MORF4L1: variants seen among roughly 807,000 people sequenced by gnomAD.
MORF4L1 encodes mortality factor 4 like 1.
MORF4L1 carries 4 observed loss-of-function variants against 52.9 expected under a neutral mutation model. The ratio of observed to expected loss-of-function variants is 0.08; its 90% CI spans 0.04 to 0.17. The LOEUF (loss-of-function observed/expected upper bound fraction) is 0.17, where lower values mean the gene tolerates loss of function less well. MORF4L1 is among the 10% of genes least tolerant of loss of function. MORF4L1 has a pLI of 1.00. For missense variants in MORF4L1, 214 were observed against 390.4 expected (o/e 0.55, Z 3.81); for synonymous variants, 123 against 134.8 (o/e 0.91, Z 0.61).
At chr15:78,895,310 G>C (rs80090061) in intron 11 of MORF4L1, among the ~76,000 whole-genome samples, 2 of 115,336 alleles carry the variant, frequency 1.7e-5, no homozygotes, top group Non-Finnish European at 3.8e-5. Context: ...AATACACACA[G>C]AGTTCTTCGG....
In MORF4L1 at chr15:78,895,972, T is replaced by A. The variant is rs1222627021; in HGVS notation, c.888-1011T>A. Among the ~76,000 whole-genome samples, 7 of 148,032 alleles carry A rather than the reference T, an allele frequency of 4.7e-5. No individual in the cohort carries two copies. The East Asian group carries it at 1.2e-3, about 25-fold the overall frequency. ...CATTTCACGTTCCCTTTTATGTAATTAAAAAAAAAAAGTTTATTCATTTAG... is the reference window on the plus strand; with the variant it reads ...CATTTCACGTTCCCTTTTATGTAATAAAAAAAAAAAAGTTTATTCATTTAG... On this transcript the variant is annotated intron_variant, in intron 11 of 11. Coordinates refer to ENST00000426013, the MANE Select transcript of MORF4L1 (RefSeq NM_006791.4).
Position 78,886,172 on chromosome 15 carries a change from C to G in MORF4L1, c.187C>G (p.Leu63Val). ...TGAATGGGTTCCGGAGAGCAGAGTA[C>G]TCAAATACGTGGACACCAATTTGCA... ...WDEWVPESRVLKYVDTNLQKQ... is the reference protein window; with the variant it reads ...WDEWVPESRVVKYVDTNLQKQ... The change falls in exon 4 of 12, where the codon CTC becomes GTC. Residue 63 changes from leucine (L) to valine (V), a missense_variant. Around this residue, in one of 5 missense-constraint regions of MORF4L1, gnomAD observed 84 missense variants for 116.3 expected, o/e 0.72. Coordinates refer to ENST00000426013, the MANE Select transcript of MORF4L1 (RefSeq NM_006791.4). The G allele has an allele frequency of 1.9e-6, 3 of 1,614,026 alleles. No homozygotes were observed. Among genetic ancestry groups the G allele is most frequent in the Non-Finnish European group, 1.7e-6 (2 of 1,179,932 alleles).
At chr15:78,892,360 T>C (rs2056815405) in intron 8 of MORF4L1, 47 bp downstream of exon 8, 1 of 1,397,986 alleles carries the variant, frequency 7.2e-7, no homozygotes, top group African/African-American at 1.4e-5. Context: ...GATACATTCT[T>C]GCTAGCAAAA....
intron 1 of MORF4L1, chr15:78,878,007 T>A (rs2141590066): frequency 2.2e-6 from 1 of 458,178 alleles, no homozygotes; most frequent in Middle Eastern, 5.5e-4. Context: ...GCTAATGAAT[T>A]GTTTTTGTTT....
chr15:78,884,032 C>T (rs953067671), intron 3 of MORF4L1, among the ~76,000 whole-genome samples: 5 of 145,856 alleles, frequency 3.4e-5, no homozygotes, highest in Admixed American at 1.4e-4. Flanking sequence ...GATGAAATCC[C>T]GTCTCTAGTA....
At chr15:78,880,461 G>A (rs1452159339) in intron 2 of MORF4L1, 51 bp from the exon 3 acceptor site, 2 of 1,343,140 alleles carry the variant, frequency 1.5e-6, no homozygotes, top group Non-Finnish European at 1.0e-6. Flanking sequence ...TGAAAAGGTA[G>A]TGTCTTTAAA....
chr15:78,879,396 A>G (rs1384220723), intron 2 of MORF4L1, among the ~76,000 whole-genome samples: 1 of 152,076 alleles, frequency 6.6e-6, no homozygotes, highest in Non-Finnish European at 1.5e-5. Flanking sequence ...TAATTTTTGT[A>G]GTTTTAGTAG....
intron 1 of MORF4L1, among the ~76,000 whole-genome samples, chr15:78,876,875 G>T (rs924765998): frequency 6.6e-6 from 1 of 152,150 alleles, no homozygotes; most frequent in African/African-American, 2.4e-5. Flanking sequence ...CGTGCTCTGG[G>T]AGAGTCTAAT....
chr15:78,873,645 A>T (rs1263802349), intron 1 of MORF4L1: 1 of 161,160 alleles, frequency 6.2e-6, no homozygotes, highest in African/African-American at 2.4e-5. Context: ...TCGGTCCCGT[A>T]TGGAGGCACA....
rs1347344962 is a variant in MORF4L1, at chr15:78,885,060, A to G, written c.156-1081A>G. On this transcript the variant is annotated intron_variant, in intron 3 of 11. Coordinates refer to ENST00000426013, the MANE Select transcript of MORF4L1 (RefSeq NM_006791.4). Reference sequence around the variant, plus strand: ...CTGTTCCTGAAGGAGCTCCCTCAGTACACCACCCCCTCCTGACCTCTAGGT... The same window carrying G: ...CTGTTCCTGAAGGAGCTCCCTCAGTGCACCACCCCCTCCTGACCTCTAGGT... 1.9e-6 allele frequency: 3 copies of G among 1,613,626 alleles called. No homozygotes were observed. In the South Asian group the frequency reaches 3.3e-5, roughly 18 times the overall value.
chr15:78,880,380 A>T, intron 2 of MORF4L1, 132 bp from the exon 3 acceptor site: 1 of 649,988 alleles, frequency 1.5e-6, no homozygotes, highest in Non-Finnish European at 2.7e-6. Flanking sequence ...AGTATTCTAC[A>T]AGCTTAGTGT....
At position 78,897,025 on chromosome 15, in the gene MORF4L1, T is replaced by C; in HGVS notation, c.930T>C (p.Asp310=). 1 of 1,612,914 alleles carries C rather than the reference T, an allele frequency of 6.2e-7. No homozygotes were observed. Among genetic ancestry groups the C allele is most frequent in the Admixed American group, 1.7e-5 (1 of 60,016 alleles). ...KNSATLFSAS[D]YEVAPPEYHR... ...CTGCAACTTTGTTCAGTGCCAGCGA[T>C]TATGAAGTGGCTCCTCCTGAGTACC... is the stretch of plus-strand genomic sequence containing the variant. Residue 310 remains aspartate, a synonymous_variant, in exon 12 of 12, where the codon GAT becomes GAC. Coordinates refer to ENST00000426013, the MANE Select transcript of MORF4L1 (RefSeq NM_006791.4).
At chr15:78,893,454 C>G in intron 8 of MORF4L1, 85 bp from the exon 9 acceptor site, 2 of 865,498 alleles carry the variant, frequency 2.3e-6, no homozygotes, top group African/African-American at 1.7e-5. Context: ...TTACTGTTAC[C>G]TGATCTTTGT....
intron 7 of MORF4L1, 121 bp from the exon 8 acceptor site, chr15:78,892,091 A>T: frequency 1.7e-6 from 1 of 605,918 alleles, no homozygotes. Flanking sequence ...AAATGACAGT[A>T]CAGCTGTATG....
intron 5 of MORF4L1, among the ~76,000 whole-genome samples, chr15:78,887,867 C>G (rs1313889321): frequency 6.6e-6 from 1 of 152,158 alleles, no homozygotes; most frequent in Non-Finnish European, 1.5e-5. Flanking sequence ...CAACCTCTGC[C>G]TCCTGGGTTC....
chr15:78,893,610 T>C lies in MORF4L1; in HGVS notation c.612T>C (p.Arg204=). ...ATTATGCAAATTACAAGAAATCTCG[T>C]GGAAACACAGATAATAAGTAAGAAT... is the stretch of plus-strand genomic sequence containing the variant. ...LEDYANYKKS[R]GNTDNKEYAV... Residue 204 remains arginine (R), a synonymous_variant, in exon 9 of 12, where the codon CGT becomes CGC. Coordinates refer to ENST00000426013, the MANE Select transcript of MORF4L1 (RefSeq NM_006791.4). The C allele has an allele frequency of 1.3e-6, 2 of 1,586,328 alleles. No homozygotes were observed. The highest frequency in any genetic ancestry group is 1.7e-6 in the Non-Finnish European group (2 of 1,157,880).
In MORF4L1 at chr15:78,887,401, T is replaced by A; in HGVS notation, c.323+52T>A. ...CATACTATATGTGAAGATAATATTT[T>A]ATGTTCATTGTGTGTTAGACTGTGT... On this transcript the variant is annotated intron_variant, in intron 5 of 11. Transcript: ENST00000426013. 4 of 1,491,264 alleles carry A rather than the reference T, an allele frequency of 2.7e-6. No homozygotes were observed. In the South Asian group the frequency reaches 4.7e-5, roughly 18 times the overall value. 92.4% of individuals were successfully genotyped at this position (1,491,264 alleles called of 1,614,324 possible). A position where few individuals can be genotyped will look rare whatever the true frequency, so the allele number is the denominator to read the frequency against.
chr15:78,877,954 T>C (rs948237167), intron 1 of MORF4L1: 2 of 369,914 alleles, frequency 5.4e-6, no homozygotes, highest in African/African-American at 4.2e-5. Context: ...GCTTATGTGC[T>C]TAACAGGTGA....
At chr15:78,875,480 T>C (rs150528016) in intron 1 of MORF4L1, among the ~76,000 whole-genome samples, 126 of 152,266 alleles carry the variant, frequency 8.3e-4, no homozygotes, top group African/African-American at 2.9e-3. Flanking sequence ...TAAAAATGAT[T>C]TTAGTGGGTG....
Sources: gnomAD v4.1 joint callset for allele counts (sites outside exome capture counted in the v4.1 genomes callset) on GRCh38, gnomAD v4.1.1 for gene constraint, gnomAD v4.1.1 regional missense constraint, MANE v1.5 for transcripts, NCBI Gene and HGNC (gene_info 2026-07-23, HGNC 2026-07-21) for gene names.